Variants in ADAMTSL1 observed in about 807,000 individuals in gnomAD.
ADAMTSL1 encodes ADAMTS like 1, also known as ADAMTS-like protein 1.
Under a neutral mutation model 201.8 loss-of-function variants are expected in ADAMTSL1, and 126 were observed. The observed-to-expected ratio is 0.62, with a 90% CI of 0.54 to 0.72. The LOEUF (loss-of-function observed/expected upper bound fraction) is 0.72, where lower values mean the gene tolerates loss of function less well. ADAMTSL1 is among the 30% of genes least tolerant of loss of function. The probability of loss-of-function intolerance (pLI) is 0.00; values close to 1 mark genes in which losing one functional copy is unlikely to be tolerated. For missense variants in ADAMTSL1, 2,679 were observed against 2,277.8 expected (o/e 1.18, Z -3.59); for synonymous variants, 1,121 against 903.4 (o/e 1.24, Z -4.32).
At chr9:18,641,383 C>G (rs971233151) in intron 7 of ADAMTSL1, among the ~76,000 whole-genome samples, 24 of 152,052 alleles carry the variant, frequency 1.6e-4, no homozygotes, top group African/African-American at 5.6e-4. Context: ...TGCCACACAA[C>G]AATTGTTTAA....
intron 1 of ADAMTSL1, among the ~76,000 whole-genome samples, chr9:18,098,287 G>A (rs1011803359): frequency 2.0e-5 from 3 of 151,886 alleles, no homozygotes; most frequent in African/African-American, 4.8e-5. Context: ...ATTTTGACTA[G>A]TTTCTTTGCA....
intron 1 of ADAMTSL1, among the ~76,000 whole-genome samples, chr9:18,047,240 A>G (rs1319579771): frequency 6.6e-6 from 1 of 152,176 alleles, no homozygotes; most frequent in Non-Finnish European, 1.5e-5. Context: ...AATGATTATT[A>G]ATTAGTTAAT....
chr9:17,925,354 A>G (rs1445188161), intron 1 of ADAMTSL1, among the ~76,000 whole-genome samples: 3 of 120,554 alleles, frequency 2.5e-5, no homozygotes, highest in Non-Finnish European at 3.6e-5. Context: ...CCCATTACTG[A>G]GTATATACCC....
At chr9:18,047,816 G>A (rs564744955) in intron 1 of ADAMTSL1, among the ~76,000 whole-genome samples, 1 of 152,302 alleles carries the variant, frequency 6.6e-6, no homozygotes, top group East Asian at 1.9e-4. Flanking sequence ...CCAATTACTT[G>A]GTCTGGGGAA....
intron 3 of ADAMTSL1, among the ~76,000 whole-genome samples, chr9:18,550,097 A>G (rs1322811013): frequency 6.6e-6 from 1 of 151,978 alleles, no homozygotes; most frequent in Admixed American, 6.6e-5. Flanking sequence ...GTTAAACCAA[A>G]GAGCTTTTGG....
chr9:18,774,465 T>C (rs2133739461), intron 17 of ADAMTSL1, among the ~76,000 whole-genome samples: 1 of 152,202 alleles, frequency 6.6e-6, no homozygotes, highest in South Asian at 2.1e-4. Flanking sequence ...ATCTGATCCC[T>C]GTTTCTCTGC....
chr9:18,091,464 T>C (rs1824014739), intron 1 of ADAMTSL1, among the ~76,000 whole-genome samples: 2 of 152,244 alleles, frequency 1.3e-5, no homozygotes, highest in Admixed American at 1.3e-4. Context: ...TCTCTGAATG[T>C]GGATTTAATT....
chr9:18,159,658 A>T (rs1312794694), intron 1 of ADAMTSL1, among the ~76,000 whole-genome samples: 3 of 152,046 alleles, frequency 2.0e-5, no homozygotes, highest in Non-Finnish European at 4.4e-5. Context: ...TAAACTTGTT[A>T]GAAGTAGGAA....
At chr9:18,475,752 A>AT (rs531751564) in intron 1 of ADAMTSL1, among the ~76,000 whole-genome samples, 1,842 of 151,978 alleles carry the variant, frequency 0.012, 33 homozygotes, top group African/African-American at 0.042. Flanking sequence ...CTTCTTTGTG[A>AT]TTTTTTTAAG....
chr9:18,861,342 C>G (rs1334778781), intron 23 of ADAMTSL1, among the ~76,000 whole-genome samples: 2 of 152,184 alleles, frequency 1.3e-5, no homozygotes, highest in Non-Finnish European at 2.9e-5. Flanking sequence ...TCTAAATTGG[C>G]CTGAATCCCA....
chr9:18,520,734 T>G (rs1818640477), intron 2 of ADAMTSL1, among the ~76,000 whole-genome samples: 1 of 152,172 alleles, frequency 6.6e-6, no homozygotes, highest in Admixed American at 6.5e-5. Context: ...TGTTGTTTCT[T>G]GTATTATTAC....
chr9:18,463,614 G>C (rs1214512612), intron 2 of ADAMTSL1, among the ~76,000 whole-genome samples: 1 of 151,944 alleles, frequency 6.6e-6, no homozygotes, highest in Non-Finnish European at 1.5e-5. Context: ...TACTACTCTA[G>C]GTACCTCAAA....
chr9:18,644,779 G>C (rs1483277733), intron 7 of ADAMTSL1, among the ~76,000 whole-genome samples: 1 of 151,968 alleles, frequency 6.6e-6, no homozygotes, highest in African/African-American at 2.4e-5. Flanking sequence ...TCTTAATCCA[G>C]TCTATCATTG....
intron 2 of ADAMTSL1, among the ~76,000 whole-genome samples, chr9:18,210,473 T>G (rs12235364): frequency 6.8e-6 from 1 of 146,824 alleles, no homozygotes; most frequent in Non-Finnish European, 1.5e-5. Context: ...TAATTATATA[T>G]GATATATAAA....
chr9:18,614,772 T>A (rs572341227), intron 4 of ADAMTSL1, among the ~76,000 whole-genome samples: 1 of 152,196 alleles, frequency 6.6e-6, no homozygotes, highest in Non-Finnish European at 1.5e-5. Context: ...TCAGTTGATT[T>A]GGTCTAATTT....
chr9:18,788,705 C>G (rs1821852461), intron 19 of ADAMTSL1, among the ~76,000 whole-genome samples: 1 of 152,162 alleles, frequency 6.6e-6, no homozygotes, highest in African/African-American at 2.4e-5. Flanking sequence ...GAAAAATACC[C>G]ATTTTAGGAT....
chr9:17,931,029 T>C (rs886981057), intron 1 of ADAMTSL1, among the ~76,000 whole-genome samples: 3 of 152,192 alleles, frequency 2.0e-5, no homozygotes, highest in Non-Finnish European at 4.4e-5. Flanking sequence ...AGTCTTTTGA[T>C]GAACTACAAA....
intron 1 of ADAMTSL1, among the ~76,000 whole-genome samples, chr9:17,970,982 T>C (rs1264331245): frequency 2.6e-5 from 4 of 152,096 alleles, no homozygotes; most frequent in Non-Finnish European, 5.9e-5. Flanking sequence ...TTCCTAAACA[T>C]TTCTATATAC....
At chr9:18,260,445 C>T (rs978932174) in intron 2 of ADAMTSL1, among the ~76,000 whole-genome samples, 1 of 152,238 alleles carries the variant, frequency 6.6e-6, no homozygotes, top group Admixed American at 6.5e-5. Flanking sequence ...ATATGGCACC[C>T]AGCAGGGAGA....
Sources: allele counts gnomAD v4.1 joint callset (sites outside exome capture counted in the v4.1 genomes callset), GRCh38; gene constraint gnomAD v4.1.1; transcripts MANE v1.5; gene names NCBI Gene and HGNC (gene_info 2026-07-23, HGNC 2026-07-21).